Variants in TMEM132D observed in about 807,000 individuals in gnomAD.
TMEM132D encodes mature OL transmembrane protein.
In TMEM132D, 21 loss-of-function variants were observed where a neutral mutation model predicts 62.3. The observed-to-expected ratio is 0.34, with a 90% CI of 0.24 to 0.49. The LOEUF is 0.49. Ranked by LOEUF, TMEM132D falls within the 20% of genes least tolerant of loss-of-function variation. The pLI is 0.99. For synonymous variants in TMEM132D, 621 were observed against 575.6 expected (o/e 1.08, Z -1.13); for missense variants, 1,346 against 1,402.8 (o/e 0.96, Z 0.65).
intron 2 of TMEM132D, among the ~76,000 whole-genome samples, chr12:129,695,835 T>C (rs1252128019): frequency 6.6e-6 from 1 of 152,214 alleles, no homozygotes; most frequent in Admixed American, 6.5e-5. Flanking sequence ...GAGGCTGCTG[T>C]GTCCACACGC....
At chr12:129,256,033 T>G (rs1480049087) in intron 4 of TMEM132D, among the ~76,000 whole-genome samples, 1 of 151,990 alleles carries the variant, frequency 6.6e-6, no homozygotes, top group African/African-American at 2.4e-5. Flanking sequence ...AGGAGAGAGA[T>G]GGGTGTGGGT....
chr12:129,499,491 A>T (rs1875061012), intron 3 of TMEM132D, among the ~76,000 whole-genome samples: 1 of 152,234 alleles, frequency 6.6e-6, no homozygotes, highest in South Asian at 2.1e-4. Context: ...CCAGTGAGAT[A>T]AATGATGACA....
intron 5 of TMEM132D, chr12:129,085,563 T>C (rs1315863034): frequency 6.6e-6 from 1 of 152,290 alleles, no homozygotes; most frequent in Non-Finnish European, 1.5e-5. Flanking sequence ...TGTTCTCAAG[T>C]GCACGTCACA....
intron 5 of TMEM132D, among the ~76,000 whole-genome samples, chr12:129,183,506 G>C (rs1328367461): frequency 6.6e-6 from 1 of 152,230 alleles, no homozygotes; most frequent in East Asian, 1.9e-4. Context: ...TGAGCTCCTA[G>C]ACAACAGGAT....
At chr12:129,338,672 C>T (rs1474683944) in intron 3 of TMEM132D, among the ~76,000 whole-genome samples, 1 of 152,134 alleles carries the variant, frequency 6.6e-6, no homozygotes, top group East Asian at 1.9e-4. Flanking sequence ...CTTTTTAAAG[C>T]CTCAGTGGCC....
chr12:129,104,780 A>C (rs1287313321), intron 5 of TMEM132D, among the ~76,000 whole-genome samples: 2 of 149,496 alleles, frequency 1.3e-5, no homozygotes, highest in African/African-American at 2.5e-5. Context: ...CAGCCAAAAA[A>C]CACATGAAAA....
intron 2 of TMEM132D, among the ~76,000 whole-genome samples, chr12:129,578,464 AT>A (rs1249306466): frequency 6.7e-6 from 1 of 150,324 alleles, no homozygotes; most frequent in Non-Finnish European, 1.5e-5. Flanking sequence ...GACTAATAAT[AT>A]TATATATAGG....
chr12:129,642,548 G>C (rs1322708912), intron 2 of TMEM132D, among the ~76,000 whole-genome samples: 1 of 152,180 alleles, frequency 6.6e-6, no homozygotes, highest in Non-Finnish European at 1.5e-5. Context: ...CCCCAGCTCA[G>C]CTCCCAGTTC....
chr12:129,313,014 C>T (rs533275555), intron 4 of TMEM132D, among the ~76,000 whole-genome samples: 15 of 152,018 alleles, frequency 9.9e-5, no homozygotes, highest in African/African-American at 3.6e-4. Context: ...ATATCATTGA[C>T]TGAGATGGGG....
intron 4 of TMEM132D, among the ~76,000 whole-genome samples, chr12:129,264,618 G>C (rs61944138): frequency 0.045 from 6,826 of 152,196 alleles, 345 homozygotes; most frequent in East Asian, 0.26. Flanking sequence ...ACTTGTACAT[G>C]AATGTTTATA....
chr12:129,466,479 C>T (rs1219202163), intron 3 of TMEM132D, among the ~76,000 whole-genome samples: 1 of 151,910 alleles, frequency 6.6e-6, no homozygotes, highest in African/African-American at 2.4e-5. Context: ...ACTACTGTGC[C>T]TGGCAACTTT....
chr12:129,569,671 C>T (rs1432527425), intron 2 of TMEM132D, among the ~76,000 whole-genome samples: 3 of 152,036 alleles, frequency 2.0e-5, no homozygotes, highest in Non-Finnish European at 4.4e-5. Context: ...CACAGCGTGC[C>T]GATTTATGTA....
At chr12:129,276,031 A>G (rs1270284364) in intron 4 of TMEM132D, among the ~76,000 whole-genome samples, 1 of 119,698 alleles carries the variant, frequency 8.4e-6, no homozygotes, top group East Asian at 2.7e-4. Context: ...GTGGATGCAC[A>G]GGTTTGTTTG....
At chr12:129,534,570 C>T (rs1357614515) in intron 2 of TMEM132D, among the ~76,000 whole-genome samples, 3 of 152,104 alleles carry the variant, frequency 2.0e-5, no homozygotes, top group Non-Finnish European at 4.4e-5. Flanking sequence ...GTTGCTTTTG[C>T]TCCCCATACC....
intron 2 of TMEM132D, among the ~76,000 whole-genome samples, chr12:129,563,374 T>C (rs1326427994): frequency 6.6e-6 from 1 of 152,216 alleles, no homozygotes; most frequent in Non-Finnish European, 1.5e-5. Flanking sequence ...CTCTTAGTTT[T>C]GGGTATGTGT....
intron 5 of TMEM132D, among the ~76,000 whole-genome samples, chr12:129,155,299 G>A (rs888282037): frequency 3.3e-5 from 5 of 152,184 alleles, no homozygotes; most frequent in South Asian, 2.1e-4. Context: ...GCTACAGGGA[G>A]TACATGCATC....
intron 3 of TMEM132D, among the ~76,000 whole-genome samples, chr12:129,420,365 C>T (rs910293147): frequency 7.9e-6 from 1 of 126,162 alleles, no homozygotes; most frequent in African/African-American, 3.2e-5. Context: ...GTAAGGATAA[C>T]TGTCAATCAT....
At chr12:129,171,954 G>C (rs1378226095) in intron 5 of TMEM132D, among the ~76,000 whole-genome samples, 2 of 152,186 alleles carry the variant, frequency 1.3e-5, no homozygotes, top group African/African-American at 4.8e-5. Context: ...TGACAAGACA[G>C]TCAGCCTGTC....
chr12:129,796,650 G>A (rs2167512), intron 1 of TMEM132D, among the ~76,000 whole-genome samples: 15,684 of 152,120 alleles, frequency 0.1, 1,065 homozygotes, highest in East Asian at 0.22. Context: ...AACATCGTGC[G>A]TTCTCACTCA....
Sources: gnomAD v4.1 joint callset for allele counts (sites outside exome capture counted in the v4.1 genomes callset) on GRCh38, gnomAD v4.1.1 for gene constraint, MANE v1.5 for transcripts, NCBI Gene and HGNC (gene_info 2026-07-23, HGNC 2026-07-21) for gene names.